UGT2B28: variants seen among roughly 807,000 people sequenced by gnomAD.
UGT2B28 encodes the protein UDP glucuronosyltransferase family 2 member B28, also known as UDP-glucuronosyltransferase 2B28.
Under a neutral mutation model 43.6 loss-of-function variants are expected in UGT2B28, and 45 were observed. The ratio of observed to expected loss-of-function variants is 1.03; its 90% CI spans 0.81 to 1.32. UGT2B28 has a LOEUF of 1.32. UGT2B28 is among the 40% of genes most tolerant of loss of function. The pLI, the probability that UGT2B28 is intolerant of heterozygous loss-of-function variation, is 0.00. For missense variants in UGT2B28, 649 were observed against 625.5 expected (o/e 1.04, Z -0.40); for synonymous variants, 204 against 208.1 (o/e 0.98, Z 0.17).
chr4:69,285,060 G>A (rs1293966027), intron 2 of UGT2B28, among the ~76,000 whole-genome samples: 2 of 139,090 alleles, frequency 1.4e-5, no homozygotes. Context: ...TTTTATCAAT[G>A]AAATATTCAA....
chr4:69,294,770 G>A lies in UGT2B28; in HGVS notation c.1551G>A (p.Trp517Ter), dbSNP rs377258150. ...CAAAGTTTTGTCTGTTTTGTTTCTGGAAGTTTGCTAGAAAAGGGAAGAAGG... is the reference window on the plus strand; with the variant it reads ...CAAAGTTTTGTCTGTTTTGTTTCTGAAAGTTTGCTAGAAAAGGGAAGAAGG... ...VVTKFCLFCF[W>*]KFARKGKKGK... Residue 517 changes from tryptophan to a stop codon, truncating the protein, a stop_gained, in exon 6 of 6, where the codon TGG becomes TGA. Transcript: ENST00000335568. LOFTEE classifies it low-confidence loss of function (END_TRUNC). 1.9e-6 allele frequency: 3 copies of A among 1,558,386 alleles called. No individual in the cohort carries two copies. In the African/African-American group the frequency reaches 4.5e-5, roughly 24 times the overall value.
intron 5 of UGT2B28, among the ~76,000 whole-genome samples, chr4:69,293,358 G>A (rs1346603823): frequency 7.1e-6 from 1 of 140,262 alleles, no homozygotes; most frequent in Admixed American, 7.2e-5. Context: ...TCAAGATAAT[G>A]TTCAAGATGA....
rs143662184 is a variant in UGT2B28 at position 69,293,886 on chromosome 4, C to G, written c.1311-644C>G. Among the ~76,000 whole-genome samples the G allele has an allele frequency of 2.1e-3, 295 of 140,510 alleles. 69 individuals are homozygous for G. Among genetic ancestry groups the G allele is most frequent in the African/African-American group, 7.7e-3 (279 of 36,020 alleles). The allele number at this position is 140,510 out of a possible 152,430, so 92.2% of individuals were successfully genotyped here. Reference sequence around the variant, plus strand: ...CTGACTTTAATTTCAAAAAATCATTCTGGCTACAGGGTGGGAAACAGTAGG... The same window carrying G: ...CTGACTTTAATTTCAAAAAATCATTGTGGCTACAGGGTGGGAAACAGTAGG... On this transcript the variant is annotated intron_variant, in intron 5 of 5. Coordinates refer to ENST00000335568, the MANE Select transcript of UGT2B28 (RefSeq NM_053039.2).
rs774566784 is a variant in UGT2B28, at chr4:69,294,594, C to G, written c.1375C>G (p.Arg459Gly). Residue 459 changes from arginine to glycine, a missense_variant, in exon 6 of 6, where the codon CGA becomes GGA. Coordinates refer to ENST00000335568, the MANE Select transcript of UGT2B28 (RefSeq NM_053039.2). ...QHDQPVKPLH[R>G]AVFWIEFVMC... ...TGATCAACCAGTAAAGCCCCTGCAT[C>G]GAGCAGTCTTCTGGATTGAATTTGT... is the stretch of plus-strand genomic sequence containing the variant. 10 of 1,556,512 alleles carry G rather than the reference C, an allele frequency of 6.4e-6. No individual in the cohort carries two copies. Among genetic ancestry groups the G allele is most frequent in the African/African-American group, 1.5e-5 (1 of 65,814 alleles).
rs183253998 is a variant in UGT2B28, at chr4:69,287,110, A to G, written c.1002+227A>G. 5.8e-5 allele frequency among the ~76,000 whole-genome samples: 8 copies of G among 138,924 alleles called. 1 individual carries two copies. The East Asian group carries it at 6.2e-4, about 11-fold the overall frequency. 91.1% of individuals were successfully genotyped at this position (138,924 alleles called of 152,430 possible). ...CCCTTGGTATGCATGAGTGGTTCCT[A>G]TTACTACCAGTGGGAACTCAGTACT... On this transcript the variant is annotated intron_variant, in intron 3 of 5. Coordinates refer to ENST00000335568, the MANE Select transcript of UGT2B28 (RefSeq NM_053039.2).
chr4:69,282,859 G>A lies in UGT2B28; in HGVS notation c.870+197G>A, dbSNP rs112790805. On this transcript the variant is annotated intron_variant, in intron 2 of 5. Transcript: ENST00000335568. ...GTGAGTTTTATGCATATTACAAATA[G>A]AGAGGAATAGTAAGGAGACTTTGAA... is the stretch of plus-strand genomic sequence containing the variant. Among the ~76,000 whole-genome samples, 281 of 140,272 alleles carry A rather than the reference G, an allele frequency of 2.0e-3. 69 individuals are homozygous for A. The highest frequency in any genetic ancestry group is 7.5e-3 in the African/African-American group (269 of 36,014). 92.0% of individuals were successfully genotyped at this position (140,272 alleles called of 152,430 possible).
rs1010414947 is a variant in UGT2B28 at position 69,292,296 on chromosome 4, A to G, written c.1310+1485A>G. Among the ~76,000 whole-genome samples the G allele has an allele frequency of 3.6e-5, 5 of 140,060 alleles. 1 individual carries two copies. The East Asian group carries it at 8.2e-4, about 23-fold the overall frequency. The allele number at this position is 140,060 out of a possible 152,430, so 91.9% of individuals were successfully genotyped here. On this transcript the variant is annotated intron_variant, in intron 5 of 5. Transcript: ENST00000335568. ...GCGGAGTCCAGCTACCATCAATTCC[A>G]CATTTATAACTACTCTCAATAAAGT... is the stretch of plus-strand genomic sequence containing the variant.
chr4:69,288,330 C>T (rs1723839900), intron 3 of UGT2B28, among the ~76,000 whole-genome samples: 2 of 139,046 alleles, frequency 1.4e-5, no homozygotes, highest in Non-Finnish European at 3.1e-5. Context: ...TATAGACTTG[C>T]TATTTTGTCA....
At chr4:69,285,566 A>G (rs781039046) in intron 2 of UGT2B28, among the ~76,000 whole-genome samples, 1 of 140,868 alleles carries the variant, frequency 7.1e-6, no homozygotes, top group Admixed American at 7.1e-5. Context: ...TAGTAGTACA[A>G]GGACTCTCAC....
intron 2 of UGT2B28, among the ~76,000 whole-genome samples, chr4:69,283,831 T>A (rs184182876): frequency 1.4e-5 from 2 of 140,608 alleles, no homozygotes; most frequent in African/African-American, 5.5e-5. Flanking sequence ...ATATGACAGA[T>A]ACCCTGTGGA....
chr4:69,285,483 G>A (rs1300523748), intron 2 of UGT2B28, among the ~76,000 whole-genome samples: 1 of 138,936 alleles, frequency 7.2e-6, no homozygotes, highest in African/African-American at 2.8e-5. Context: ...CACTGAAAAC[G>A]AGTCACATTA....
chr4:69,294,740 C>T lies in UGT2B28; in HGVS notation c.1521C>T (p.Val507=), dbSNP rs753849705. 7.1e-6 allele frequency: 11 copies of T among 1,558,608 alleles called. 1 individual carries two copies. The highest frequency in any genetic ancestry group is 6.1e-6 in the Non-Finnish European group (7 of 1,154,968). Reference sequence around the variant, plus strand: ...CCTGTGTGGCAACTGTGATATTTGTCGTCACAAAGTTTTGTCTGTTTTGTT... The same window carrying T: ...CCTGTGTGGCAACTGTGATATTTGTTGTCACAAAGTTTTGTCTGTTTTGTT... The part of the protein sequence containing the change: ...LLACVATVIF[V]VTKFCLFCFW... The change falls in exon 6 of 6, where the codon GTC becomes GTT. Residue 507 remains valine, a synonymous_variant. Coordinates refer to ENST00000335568, the MANE Select transcript of UGT2B28 (RefSeq NM_053039.2).
At chr4:69,284,058 TACATTTTAGATCATAA>T (rs1723698681) in intron 2 of UGT2B28, among the ~76,000 whole-genome samples, 1 of 140,784 alleles carries the variant, frequency 7.1e-6, no homozygotes, top group Non-Finnish European at 1.5e-5. Context: ...CCCAGAATTT[TACATTTTAGATCATAA>T]ACATACCCTA....
Position 69,290,701 on chromosome 4 carries a change from T to C in UGT2B28, c.1200T>C (p.Pro400=), listed in dbSNP as rs768645928. Residue 400 remains proline, a synonymous_variant, in exon 5 of 6, where the codon CCT becomes CCC. Coordinates refer to ENST00000335568, the MANE Select transcript of UGT2B28 (RefSeq NM_053039.2). ...GCATTCCATTGTTTTGGGATCAACC[T>C]GATAACATTGCTCACATGAAGGCCA... is the stretch of plus-strand genomic sequence containing the variant. ...MVGIPLFWDQ[P]DNIAHMKAKG... is the part of the protein sequence containing the mutation. 6.4e-7 allele frequency: 1 copy of C among 1,559,634 alleles called. No individual in the cohort carries two copies. The highest frequency in any genetic ancestry group is 8.7e-7 in the Non-Finnish European group (1 of 1,155,254).
At chr4:69,285,879 G>C (rs1396097965) in intron 2 of UGT2B28, among the ~76,000 whole-genome samples, 1 of 141,008 alleles carries the variant, frequency 7.1e-6, no homozygotes, top group Non-Finnish European at 1.5e-5. Flanking sequence ...CTTCTATTCT[G>C]GTGCCAGTGC....
intron 5 of UGT2B28, 108 bp from the exon 6 acceptor site, chr4:69,294,422 T>C: frequency 8.7e-7 from 1 of 1,151,200 alleles, no homozygotes; most frequent in African/African-American, 1.8e-5. Flanking sequence ...GTCAATTCTT[T>C]CAAATTTACT....
In UGT2B28 at chr4:69,294,066, G is replaced by T. The variant is rs1385354171; in HGVS notation, c.1311-464G>T. Among the ~76,000 whole-genome samples the T allele has an allele frequency of 1.0e-4, 14 of 139,716 alleles. 1 individual carries two copies. Among genetic ancestry groups the T allele is most frequent in the East Asian group, 2.0e-4 (1 of 4,890 alleles). 91.7% of individuals were successfully genotyped at this position (139,716 alleles called of 152,430 possible). On this transcript the variant is annotated intron_variant, in intron 5 of 5. Transcript: ENST00000335568. ...TTAAAATGGCTCATGATGTTGAGCA[G>T]GTACTCATATGCCTGTTTGAGAACT...
rs1355228983 is a variant in UGT2B28, at chr4:69,292,527, C to T, written c.1310+1716C>T. Among the ~76,000 whole-genome samples, 12 of 140,554 alleles carry T rather than the reference C, an allele frequency of 8.5e-5. 3 individuals carry two copies. Among genetic ancestry groups the T allele is most frequent in the African/African-American group, 3.3e-4 (12 of 36,092 alleles). The allele number at this position is 140,554 out of a possible 152,430, so 92.2% of individuals were successfully genotyped here. On this transcript the variant is annotated intron_variant, in intron 5 of 5. Transcript: ENST00000335568. ...GATTATACAAATACTTTCACTCAAT[C>T]TAAACAGACTTTTAATAAAAGAGCA...
chr4:69,282,172 G>A lies in UGT2B28; in HGVS notation c.722-342G>A. ...AATTGATTATGGAGCTCAAAGAGTTGTTTAAATATCTATATGCAACTATTG... is the reference window on the plus strand; with the variant it reads ...AATTGATTATGGAGCTCAAAGAGTTATTTAAATATCTATATGCAACTATTG... On this transcript the variant is annotated intron_variant, in intron 1 of 5. Transcript: ENST00000335568. 1.4e-5 allele frequency among the ~76,000 whole-genome samples: 2 copies of A among 139,198 alleles called. 1 individual carries two copies. The highest frequency in any genetic ancestry group is 3.1e-5 in the Non-Finnish European group (2 of 65,392). 91.3% of individuals were successfully genotyped at this position (139,198 alleles called of 152,430 possible).
Sources: allele counts gnomAD v4.1 joint callset (sites outside exome capture counted in the v4.1 genomes callset), GRCh38; gene constraint gnomAD v4.1.1; transcripts MANE v1.5; gene names NCBI Gene and HGNC (gene_info 2026-07-23, HGNC 2026-07-21).